SESTD1: variants seen among roughly 807,000 people sequenced by gnomAD.
SESTD1 encodes the protein SEC14 and spectrin domain containing 1, also known as SEC14 domain and spectrin repeat-containing protein 1.
Under a neutral mutation model 101.7 loss-of-function variants are expected in SESTD1, and 43 were observed. That is an observed-to-expected ratio of 0.42 (90% CI 0.33 to 0.55). SESTD1 has a LOEUF of 0.55. SESTD1 is among the 20% of genes least tolerant of loss of function. The pLI, the probability that SESTD1 is intolerant of heterozygous loss-of-function variation, is 0.07. For missense variants in SESTD1, 647 were observed against 815.1 expected, an observed-to-expected ratio of 0.79 and a Z score of 2.51; for synonymous variants, 283 against 286.8, an observed-to-expected ratio of 0.99 and a Z score of 0.13.
At chr2:179,148,505 C>A (rs779037457) in intron 7 of SESTD1, among the ~76,000 whole-genome samples, 1 of 152,136 alleles carries the variant, frequency 6.6e-6, no homozygotes, top group Non-Finnish European at 1.5e-5. Flanking sequence ...TACTTCATTG[C>A]ATATCATAAA....
intron 1 of SESTD1, among the ~76,000 whole-genome samples, chr2:179,225,125 T>C (rs937188897): frequency 1.3e-5 from 2 of 152,126 alleles, no homozygotes; most frequent in African/African-American, 4.8e-5. Flanking sequence ...TAGGCAGTGT[T>C]AGAACTGAGT....
intron 1 of SESTD1, among the ~76,000 whole-genome samples, chr2:179,211,924 T>C (rs559260707): frequency 7.4e-6 from 1 of 134,234 alleles, no homozygotes; most frequent in East Asian, 2.0e-4. Flanking sequence ...GATCAAGTGA[T>C]GGATGTACCA....
intron 1 of SESTD1, among the ~76,000 whole-genome samples, chr2:179,243,538 A>C (rs1156316903): frequency 6.6e-6 from 1 of 152,222 alleles, no homozygotes; most frequent in Non-Finnish European, 1.5e-5. Context: ...CTGGATAAAG[A>C]AAATGTGGTA....
chr2:179,217,988 G>A lies in SESTD1; in HGVS notation c.-25-26122C>T, dbSNP rs930225866. On this transcript the variant is annotated intron_variant, in intron 1 of 17. Transcript: ENST00000428443. ...CACACTGGGGCCTGTTGGGGGTTGC[G>A]GGGCTGGGGGAGGGATGGCATTAGG... Among the ~76,000 whole-genome samples the A allele has an allele frequency of 6.6e-5, 10 of 152,196 alleles. No individual in the cohort carries two copies. In the South Asian group the frequency reaches 1.5e-3, roughly 22 times the overall value.
chr2:179,220,803 C>A (rs937310566), intron 1 of SESTD1, among the ~76,000 whole-genome samples: 3 of 152,150 alleles, frequency 2.0e-5, no homozygotes, highest in East Asian at 1.9e-4. Context: ...CATTACAAAA[C>A]CTCATTCTCT....
intron 1 of SESTD1, among the ~76,000 whole-genome samples, chr2:179,195,368 A>T (rs1318925549): frequency 6.6e-6 from 1 of 152,164 alleles, no homozygotes; most frequent in Admixed American, 6.5e-5. Flanking sequence ...CCCTGTGAAG[A>T]AGGTGTCTGC....
intron 1 of SESTD1, among the ~76,000 whole-genome samples, chr2:179,221,140 C>G (rs1374668589): frequency 6.6e-6 from 1 of 151,822 alleles, no homozygotes; most frequent in Non-Finnish European, 1.5e-5. Context: ...TGGTATGTAC[C>G]AAACACTACA....
At chr2:179,255,907 A>G (rs2047386673) in intron 1 of SESTD1, among the ~76,000 whole-genome samples, 1 of 152,216 alleles carries the variant, frequency 6.6e-6, no homozygotes, top group Non-Finnish European at 1.5e-5. Flanking sequence ...ACTGACTGAA[A>G]TCTACTCAGT....
At chr2:179,124,205 T>TTTTTTTTTTTTTTTTTTTTG (rs2044817369) in intron 11 of SESTD1, among the ~76,000 whole-genome samples, 159 bp downstream of exon 11, 1 of 152,072 alleles carries the variant, frequency 6.6e-6, no homozygotes, top group Non-Finnish European at 1.5e-5. Context: ...TACTTGTTTT[T>TTTTTTTTTTTTTTTTTTTTG]AAAAAAAATC....
chr2:179,201,909 A>C (rs2105509872), intron 1 of SESTD1, among the ~76,000 whole-genome samples: 1 of 93,490 alleles, frequency 1.1e-5, no homozygotes, highest in East Asian at 2.4e-4. Flanking sequence ...TGTACCCTAA[A>C]ACTTAAAGTA....
chr2:179,189,590 G>T (rs953714893), intron 2 of SESTD1, among the ~76,000 whole-genome samples: 2 of 152,004 alleles, frequency 1.3e-5, no homozygotes, highest in African/African-American at 2.4e-5. Context: ...GCAAGAAAAA[G>T]AAATAAAAGG....
chr2:179,128,751 A>AG lies in SESTD1; in HGVS notation c.972+3552_972+3553insC, dbSNP rs201541234. ...TCAAAAAAAAAAAAAAGAAAAGAAA[A>AG]AAAAAAAAACCCAGTAGAATGTAGA... On this transcript the variant is annotated intron_variant, in intron 10 of 17. Coordinates refer to ENST00000428443, the MANE Select transcript of SESTD1 (RefSeq NM_178123.5). 3.8e-3 allele frequency among the ~76,000 whole-genome samples: 583 copies of AG among 151,798 alleles called. 6 individuals are homozygous for AG. Among genetic ancestry groups the AG allele is most frequent in the African/African-American group, 0.013 (548 of 41,370 alleles).
chr2:179,116,832 T>C, intron 14 of SESTD1, 42 bp from the exon 15 acceptor site: 1 of 1,594,942 alleles, frequency 6.3e-7, no homozygotes, highest in South Asian at 1.1e-5. Flanking sequence ...TTCAGAACTC[T>C]TTACTTATTG....
intron 1 of SESTD1, among the ~76,000 whole-genome samples, chr2:179,198,505 T>C (rs1370641739): frequency 1.3e-5 from 2 of 152,030 alleles, no homozygotes; most frequent in African/African-American, 2.4e-5. Flanking sequence ...AATATACATT[T>C]TTTTCAGCAC....
intron 1 of SESTD1, among the ~76,000 whole-genome samples, chr2:179,239,883 T>TTTA (rs2047125162): frequency 6.6e-6 from 1 of 152,304 alleles, no homozygotes; most frequent in East Asian, 1.9e-4. Flanking sequence ...TAACAACCAA[T>TTTA]TTACAATCAT....
intron 1 of SESTD1, among the ~76,000 whole-genome samples, chr2:179,229,582 T>C (rs2046947135): frequency 6.6e-6 from 1 of 151,934 alleles, no homozygotes; most frequent in Admixed American, 6.6e-5. Flanking sequence ...TCCATCCTTT[T>C]GTTTCTATTT....
At chr2:179,200,738 G>T (rs1222660065) in intron 1 of SESTD1, among the ~76,000 whole-genome samples, 1 of 136,466 alleles carries the variant, frequency 7.3e-6, no homozygotes, top group East Asian at 2.0e-4. Context: ...GCTGAAACTG[G>T]ATCCCTTCCT....
At chr2:179,183,796 T>A (rs1318037256) in intron 2 of SESTD1, among the ~76,000 whole-genome samples, 1 of 137,380 alleles carries the variant, frequency 7.3e-6, no homozygotes, top group Non-Finnish European at 1.5e-5. Context: ...CGGGGCAACA[T>A]AGCAAGATTG....
In SESTD1 at chr2:179,159,984, A is replaced by G. The variant is rs568927262; in HGVS notation, c.370-8593T>C. On this transcript the variant is annotated intron_variant, in intron 5 of 17. Coordinates refer to ENST00000428443, the MANE Select transcript of SESTD1 (RefSeq NM_178123.5). ...ATTCTCCTGCCTCAGCCTCCCGAGC[A>G]GCTGGGATTACAGGTGCCCACCATC... is the stretch of plus-strand genomic sequence containing the variant. Among the ~76,000 whole-genome samples the G allele has an allele frequency of 7.9e-5, 12 of 152,274 alleles. No homozygotes were observed. The East Asian group carries it at 1.7e-3, about 22-fold the overall frequency.
Sources: allele counts gnomAD v4.1 joint callset (sites outside exome capture counted in the v4.1 genomes callset), GRCh38; gene constraint gnomAD v4.1.1; transcripts MANE v1.5; gene names NCBI Gene and HGNC (gene_info 2026-07-23, HGNC 2026-07-21).